Variants in GRIK2 observed in about 807,000 individuals in gnomAD.
GRIK2 encodes the protein glutamate receptor ionotropic, kainate 2.
In GRIK2, 32 loss-of-function variants were observed where a neutral mutation model predicts 100.3. The observed-to-expected ratio is 0.32, with a 90% CI of 0.24 to 0.43. The LOEUF (loss-of-function observed/expected upper bound fraction) is 0.43, where lower values mean the gene tolerates loss of function less well. Ranked by LOEUF, GRIK2 falls within the 20% of genes least tolerant of loss-of-function variation. GRIK2 has a pLI of 1.00. For synonymous variants in GRIK2, 417 were observed against 389.4 expected, an observed-to-expected ratio of 1.07 and a Z score of -0.83; for missense variants, 843 against 1,114.9, an observed-to-expected ratio of 0.76 and a Z score of 3.47.
intron 14 of GRIK2, among the ~76,000 whole-genome samples, chr6:101,963,440 G>T (rs1376439940): frequency 1.4e-5 from 2 of 147,530 alleles, no homozygotes; most frequent in East Asian, 3.9e-4. Flanking sequence ...TGGGACTACA[G>T]GCGCCTGCCA....
chr6:101,409,257 G>A (rs1337609793), intron 2 of GRIK2, among the ~76,000 whole-genome samples: 1 of 151,804 alleles, frequency 6.6e-6, no homozygotes, highest in Non-Finnish European at 1.5e-5. Context: ...GCCATATCCA[G>A]CAGAGTAACA....
intron 2 of GRIK2, among the ~76,000 whole-genome samples, chr6:101,463,950 T>A (rs1771479325): frequency 6.6e-6 from 1 of 152,202 alleles, no homozygotes; most frequent in South Asian, 2.1e-4. Context: ...TTATAATATA[T>A]TATAGATTTT....
chr6:101,545,375 G>A (rs934914594), intron 2 of GRIK2, among the ~76,000 whole-genome samples: 8 of 152,118 alleles, frequency 5.3e-5, no homozygotes, highest in Admixed American at 3.3e-4. Context: ...CCTGTAGGCC[G>A]TGTACATATT....
intron 10 of GRIK2, among the ~76,000 whole-genome samples, chr6:101,837,077 G>A (rs1308139956): frequency 6.6e-6 from 1 of 152,062 alleles, no homozygotes. Flanking sequence ...AGTTAACATG[G>A]TAATTTCCTT....
intron 2 of GRIK2, among the ~76,000 whole-genome samples, chr6:101,558,845 C>G (rs559882536): frequency 1.3e-5 from 2 of 152,184 alleles, no homozygotes; most frequent in South Asian, 2.1e-4. Flanking sequence ...CTGATGACCT[C>G]TCTTTTGAGT....
intron 4 of GRIK2, among the ~76,000 whole-genome samples, chr6:101,643,319 T>C (rs1781367593): frequency 6.6e-6 from 1 of 151,660 alleles, no homozygotes; most frequent in South Asian, 2.1e-4. Context: ...GATTTTCCCC[T>C]ATGTTTTTTT....
At chr6:101,671,448 A>G (rs1770427133) in intron 4 of GRIK2, among the ~76,000 whole-genome samples, 1 of 152,120 alleles carries the variant, frequency 6.6e-6, no homozygotes, top group African/African-American at 2.4e-5. Flanking sequence ...TCTCTTTACT[A>G]TTTAGTTTAA....
rs1025596798 is a variant in GRIK2, at chr6:101,497,821, A to T, written c.115+98429A>T. Among the ~76,000 whole-genome samples the T allele has an allele frequency of 2.0e-5, 3 of 152,068 alleles. No individual in the cohort carries two copies. In the South Asian group the frequency reaches 6.2e-4, roughly 31 times the overall value. On this transcript the variant is annotated intron_variant, in intron 2 of 16. Coordinates refer to ENST00000369134, the MANE Select transcript of GRIK2 (RefSeq NM_021956.5). ...AATGTTTTAAATAGGCTTATTGAAT[A>T]TTCCAAATTAATGTTAAGCATTCAC...
At chr6:101,509,704 G>A (rs1420434598) in intron 2 of GRIK2, among the ~76,000 whole-genome samples, 1 of 152,136 alleles carries the variant, frequency 6.6e-6, no homozygotes, top group East Asian at 1.9e-4. Context: ...AGTCTTGCTT[G>A]TAAATTCCAA....
chr6:102,019,879 TTTAC>T (rs1769332378), intron 14 of GRIK2, among the ~76,000 whole-genome samples: 2 of 152,168 alleles, frequency 1.3e-5, no homozygotes, highest in South Asian at 2.1e-4. Context: ...CTATTTCATA[TTTAC>T]TTAGTGTATT....
At chr6:101,478,126 GATTA>G (rs1159223904) in intron 2 of GRIK2, among the ~76,000 whole-genome samples, 7 of 152,024 alleles carry the variant, frequency 4.6e-5, no homozygotes, top group South Asian at 2.1e-4. Context: ...TGGAATTTAT[GATTA>G]ATTAATTTAT....
intron 12 of GRIK2, 84 bp from the exon 13 acceptor site, chr6:101,924,517 T>C (rs1582546574): frequency 1.3e-6 from 1 of 751,804 alleles, no homozygotes; most frequent in East Asian, 2.5e-5. Context: ...TCTGTCTTTT[T>C]GTTTCTTTTG....
intron 14 of GRIK2, among the ~76,000 whole-genome samples, chr6:101,974,852 A>G (rs538347237): frequency 2.0e-5 from 3 of 151,912 alleles, no homozygotes; most frequent in Non-Finnish European, 4.4e-5. Flanking sequence ...CATATATAAA[A>G]CAGTTAATCA....
rs538092869 is a variant in GRIK2, at chr6:101,793,036, C to T, written c.952-6612C>T. Among the ~76,000 whole-genome samples, 29 of 152,298 alleles carry T rather than the reference C, an allele frequency of 1.9e-4. No homozygotes were observed. In the South Asian group the frequency reaches 2.3e-3, roughly 12 times the overall value. On this transcript the variant is annotated intron_variant, in intron 7 of 16. Transcript: ENST00000369134. ...GCTTCTGCATTCTTCACGCAGTTCT[C>T]GAGCCTTGGCTTTCACCTCCGTCAG... is the stretch of plus-strand genomic sequence containing the variant.
At chr6:101,661,831 G>A (rs1216419744) in intron 4 of GRIK2, among the ~76,000 whole-genome samples, 2 of 151,960 alleles carry the variant, frequency 1.3e-5, no homozygotes, top group Non-Finnish European at 2.9e-5. Context: ...CCAATGAGAT[G>A]AGCTGGGTAC....
chr6:101,430,914 T>C (rs1248829921), intron 2 of GRIK2: 2 of 341,002 alleles, frequency 5.9e-6, no homozygotes, highest in South Asian at 6.8e-5. Context: ...TGTGAGGATC[T>C]TCATGAGGTC....
At chr6:101,560,819 G>T (rs1189431437) in intron 2 of GRIK2, among the ~76,000 whole-genome samples, 1 of 151,912 alleles carries the variant, frequency 6.6e-6, no homozygotes, top group Admixed American at 6.6e-5. Context: ...TCACATTATT[G>T]CTAACAGTTC....
At chr6:101,806,479 T>C (rs1411333652) in intron 9 of GRIK2, among the ~76,000 whole-genome samples, 1 of 152,056 alleles carries the variant, frequency 6.6e-6, no homozygotes, top group Non-Finnish European at 1.5e-5. Context: ...CAGGCAGATA[T>C]TTTTAAAAGG....
intron 2 of GRIK2, among the ~76,000 whole-genome samples, chr6:101,485,604 T>G (rs1772778531): frequency 6.6e-6 from 1 of 152,168 alleles, no homozygotes; most frequent in Admixed American, 6.6e-5. Context: ...TTACAGAATT[T>G]AGAAAAGGAT....
Sources: gnomAD v4.1 joint callset for allele counts (sites outside exome capture counted in the v4.1 genomes callset) on GRCh38, gnomAD v4.1.1 for gene constraint, MANE v1.5 for transcripts, NCBI Gene and HGNC (gene_info 2026-07-23, HGNC 2026-07-21) for gene names.